RGL1: variants seen among roughly 807,000 people sequenced by gnomAD.
RGL1 encodes ral guanine nucleotide dissociation stimulator-like 1.
RGL1 carries 24 observed loss-of-function variants against 95.2 expected under a neutral mutation model. That is an observed-to-expected ratio of 0.25 (90% CI 0.18 to 0.35). The LOEUF (loss-of-function observed/expected upper bound fraction) is 0.35. Among genes scored for constraint, RGL1 ranks in the 10% least tolerant of loss-of-function variants. The pLI is 1.00. For synonymous variants in RGL1, 329 were observed against 344.9 expected, an observed-to-expected ratio of 0.95 and a Z score of 0.51; for missense variants, 715 against 936.3, an observed-to-expected ratio of 0.76 and a Z score of 3.08.
chr1:183,791,146 A>G (rs956392589), intron 2 of RGL1, among the ~76,000 whole-genome samples: 1 of 152,220 alleles, frequency 6.6e-6, no homozygotes. Flanking sequence ...CCTAGACAAA[A>G]CAGGATCAGT....
intron 1 of RGL1, among the ~76,000 whole-genome samples, chr1:183,677,660 A>G (rs1652922695): frequency 6.6e-6 from 1 of 152,204 alleles, no homozygotes; most frequent in Non-Finnish European, 1.5e-5. Flanking sequence ...GGAAGTGTTA[A>G]TGGTTGCTAT....
rs1364289852 is a variant in RGL1 at position 183,927,887 on chromosome 1, T to C, written c.*1595T>C. On this transcript the variant is annotated 3_prime_UTR_variant, in exon 18 of 18. Coordinates refer to ENST00000360851, the MANE Select transcript of RGL1 (RefSeq NM_001297671.3). ...GATTTGCGTTGCATAAATAGCCATG[T>C]GAATTCCACAAGAAGCACCAGGGAA... The C allele has an allele frequency of 6.6e-6, 1 of 152,580 alleles. No individual in the cohort carries two copies. Among genetic ancestry groups the C allele is most frequent in the African/African-American group, 2.4e-5 (1 of 41,430 alleles). The allele number at this position is 152,580 out of a possible 1,614,324, so 9.5% of individuals were successfully genotyped here.
intron 1 of RGL1, among the ~76,000 whole-genome samples, chr1:183,649,203 C>T (rs1650537914): frequency 6.6e-6 from 1 of 152,144 alleles, no homozygotes; most frequent in Admixed American, 6.5e-5. Context: ...ATAGTACTTA[C>T]CTGATAAGAT....
At chr1:183,712,354 G>A (rs551594478) in intron 1 of RGL1, among the ~76,000 whole-genome samples, 3 of 152,250 alleles carry the variant, frequency 2.0e-5, no homozygotes, top group African/African-American at 4.8e-5. Context: ...TCAGTGGCTA[G>A]AAGGGCAGCC....
intron 1 of RGL1, among the ~76,000 whole-genome samples, chr1:183,687,560 G>C (rs1653678183): frequency 6.6e-6 from 1 of 152,092 alleles, no homozygotes; most frequent in African/African-American, 2.4e-5. Context: ...AGATCTTTTT[G>C]GGAGATTTTC....
At chr1:183,696,517 C>T (rs2148624) in intron 1 of RGL1, among the ~76,000 whole-genome samples, 1 of 151,964 alleles carries the variant, frequency 6.6e-6, no homozygotes, top group Non-Finnish European at 1.5e-5. Context: ...AGGTTGCCAG[C>T]CTCAATCCAC....
At chr1:183,769,834 A>G (rs1659187597) in intron 2 of RGL1, among the ~76,000 whole-genome samples, 2 of 152,248 alleles carry the variant, frequency 1.3e-5, no homozygotes, top group Admixed American at 1.3e-4. Flanking sequence ...AAACAGCACC[A>G]TAAAACATCA....
chr1:183,847,089 C>A (rs1664493893), intron 2 of RGL1, among the ~76,000 whole-genome samples: 1 of 152,128 alleles, frequency 6.6e-6, no homozygotes. Context: ...TCCACCACCA[C>A]CACCCTACCA....
At chr1:183,857,669 T>A (rs1665243124) in intron 3 of RGL1, among the ~76,000 whole-genome samples, 1 of 152,232 alleles carries the variant, frequency 6.6e-6, no homozygotes, top group Admixed American at 6.5e-5. Flanking sequence ...TTACTTTGGA[T>A]TAACCAGAAA....
intron 14 of RGL1, among the ~76,000 whole-genome samples, chr1:183,910,892 T>C (rs907637779): frequency 5.9e-5 from 9 of 152,258 alleles, no homozygotes; most frequent in Non-Finnish European, 1.3e-4. Flanking sequence ...TTTTGCAGCT[T>C]GGCTTATAGT....
chr1:183,795,143 A>G (rs906453305), intron 2 of RGL1, among the ~76,000 whole-genome samples: 2 of 152,178 alleles, frequency 1.3e-5, no homozygotes, highest in Non-Finnish European at 2.9e-5. Flanking sequence ...TGCTGGGATT[A>G]CAGGCATGAG....
Position 183,902,610 on chromosome 1 carries a change from G to C in RGL1, c.1350+10G>C. The C allele has an allele frequency of 1.2e-6, 2 of 1,608,768 alleles. No individual in the cohort carries two copies. The highest frequency in any genetic ancestry group is 1.7e-6 in the Non-Finnish European group (2 of 1,178,362). ...TGAGAAAAGGAGAAGGGTAAGTAGA[G>C]TTGTTGGCTGTGTTTCCTTTGTCTG... On this transcript the variant is annotated intron_variant, in intron 12 of 17. Transcript: ENST00000360851.
At chr1:183,666,163 A>G (rs1463896700) in intron 1 of RGL1, among the ~76,000 whole-genome samples, 5 of 150,384 alleles carry the variant, frequency 3.3e-5, no homozygotes, top group East Asian at 2.0e-4. Context: ...GCACCACCAC[A>G]CTCGGCTAAT....
At chr1:183,891,964 C>T in intron 8 of RGL1, 113 bp from the exon 9 acceptor site, 1 of 721,668 alleles carries the variant, frequency 1.4e-6, no homozygotes, top group Non-Finnish European at 2.3e-6. Flanking sequence ...ACCCACCAAC[C>T]CTGAGATCAG....
intron 3 of RGL1, among the ~76,000 whole-genome samples, chr1:183,855,733 A>T (rs1665098918): frequency 6.6e-6 from 1 of 152,156 alleles, no homozygotes; most frequent in South Asian, 2.1e-4. Context: ...TGACACTGAG[A>T]CCATAACTCA....
Position 183,884,808 on chromosome 1 carries a change from C to A in RGL1, c.821C>A (p.Pro274His), listed in dbSNP as rs761103653. 5.6e-6 allele frequency: 9 copies of A among 1,614,102 alleles called. No homozygotes were observed. The highest frequency in any genetic ancestry group is 7.6e-6 in the Non-Finnish European group (9 of 1,179,978). The change falls in exon 7 of 18, where the codon CCT becomes CAT. Residue 274 changes from proline (P) to histidine (H), a missense_variant. Pro to His is a moderately conservative substitution (Grantham distance 77). Around this residue, in one of 3 missense-constraint regions of RGL1, gnomAD observed 381 missense variants for 484.8 expected, o/e 0.79. Transcript: ENST00000360851. The stretch of plus-strand genomic sequence containing the variant: ...AAGAAGGAAAACAAACATTTGGCTC[C>A]TACGATCCGTGCCACCATCTCTCAG... ...RDKKENKHLA[P>H]TIRATISQFN...
At chr1:183,797,513 C>T (rs928305143) in intron 2 of RGL1, among the ~76,000 whole-genome samples, 1 of 152,164 alleles carries the variant, frequency 6.6e-6, no homozygotes, top group African/African-American at 2.4e-5. Context: ...CTAAAGTGGG[C>T]TTGTAATTTG....
intron 17 of RGL1, among the ~76,000 whole-genome samples, chr1:183,922,778 G>A (rs917782331): frequency 6.6e-6 from 1 of 152,148 alleles, no homozygotes; most frequent in African/African-American, 2.4e-5. Flanking sequence ...AATTAATCAT[G>A]TATGAAAGGT....
chr1:183,886,495 A>T lies in RGL1; in HGVS notation c.951+1557A>T, dbSNP rs373722992. 5.5e-4 allele frequency among the ~76,000 whole-genome samples: 84 copies of T among 152,142 alleles called. 1 individual carries two copies. The highest frequency in any genetic ancestry group is 2.0e-3 in the African/African-American group (81 of 41,436). On this transcript the variant is annotated intron_variant, in intron 7 of 17. Coordinates refer to ENST00000360851, the MANE Select transcript of RGL1 (RefSeq NM_001297671.3). ...ACTTTGGCTATAGTGACAATATAGC[A>T]TCTGTGTATGTGACATAGTGGGGCT...
Sources: allele counts gnomAD v4.1 joint callset (sites outside exome capture counted in the v4.1 genomes callset), GRCh38; gene constraint gnomAD v4.1.1; regional missense constraint gnomAD v4.1.1; transcripts MANE v1.5; gene names NCBI Gene and HGNC (gene_info 2026-07-23, HGNC 2026-07-21).